The following ZNF559 variants were observed in gnomAD, a reference collection of about 807,000 sequenced individuals.
ZNF559 encodes the protein putative protein product of Nbla00121.
Under a neutral mutation model 14.2 loss-of-function variants are expected in ZNF559, and 17 were observed. The ratio of observed to expected loss-of-function variants is 1.20; its 90% confidence interval spans 0.82 to 1.80. The LOEUF (loss-of-function observed/expected upper bound fraction) is 1.80. ZNF559 is among the 40% of genes most tolerant of loss of function. The pLI, the probability that ZNF559 is intolerant of heterozygous loss-of-function variation, is 0.00. For missense variants in ZNF559, 740 were observed against 629.7 expected (o/e 1.18, Z -1.88); for synonymous variants, 244 against 212.4 (o/e 1.15, Z -1.29).
In ZNF559 at chr19:9,324,273, G is replaced by A. The variant is rs190612390; in HGVS notation, c.-206+45G>A. On this transcript the variant is annotated intron_variant, in intron 1 of 6. Coordinates refer to ENST00000603380, the MANE Select transcript of ZNF559 (RefSeq NM_032497.3). ...CGGCGTTCGGTGGTGTCCCGGTGCAGCCACGCGAGAGTAGAAGGGTGGAAA... is the reference window on the plus strand; with the variant it reads ...CGGCGTTCGGTGGTGTCCCGGTGCAACCACGCGAGAGTAGAAGGGTGGAAA... 29 of 1,535,922 alleles carry A rather than the reference G, an allele frequency of 1.9e-5. No individual in the cohort carries two copies. The Admixed American group carries it at 5.7e-4, about 30-fold the overall frequency.
chr19:9,324,210 G>T lies in ZNF559; in HGVS notation c.-224G>T, dbSNP rs749415060. On this transcript the variant is annotated 5_prime_UTR_variant, in exon 1 of 7. Coordinates refer to ENST00000603380, the MANE Select transcript of ZNF559 (RefSeq NM_032497.3). The stretch of plus-strand genomic sequence containing the variant: ...ATAACGGCCGCCATCTTAACAGCGC[G>T]TTCCCGTTGGCGTCTGAGGTAAGTT... The T allele has an allele frequency of 7.8e-6, 12 of 1,536,100 alleles. No individual in the cohort carries two copies. Among genetic ancestry groups the T allele is most frequent in the Non-Finnish European group, 1.0e-5 (12 of 1,146,880 alleles).
intron 2 of ZNF559, among the ~76,000 whole-genome samples, chr19:9,329,222 C>A (rs1398948455): frequency 1.3e-5 from 2 of 151,884 alleles, no homozygotes; most frequent in African/African-American, 4.8e-5. Context: ...TTTTTAATTT[C>A]TTTTATATTT....
In ZNF559 at chr19:9,324,769, T is replaced by G; in HGVS notation, c.-131T>G. 1 of 1,535,772 alleles carries G rather than the reference T, an allele frequency of 6.5e-7. No homozygotes were observed. Among genetic ancestry groups the G allele is most frequent in the Non-Finnish European group, 8.7e-7 (1 of 1,146,734 alleles). On this transcript the variant is annotated 5_prime_UTR_variant, in exon 2 of 7. Coordinates refer to ENST00000603380, the MANE Select transcript of ZNF559 (RefSeq NM_032497.3). ...CCTGGCCTCAGCAACCTGACAATTC[T>G]GTCGTGTCCCGGTGAGCACTTCATG... is the stretch of plus-strand genomic sequence containing the variant.
At chr19:9,330,705 C>T (rs2066892097) in intron 2 of ZNF559, among the ~76,000 whole-genome samples, 1 of 152,124 alleles carries the variant, frequency 6.6e-6, no homozygotes, top group African/African-American at 2.4e-5. Context: ...GTATTATTTT[C>T]CTGACCTATA....
In ZNF559 at chr19:9,342,644, G is replaced by A. The variant is rs746466151; in HGVS notation, c.1193G>A (p.Ser398Asn). The A allele has an allele frequency of 3.1e-6, 5 of 1,614,050 alleles. No homozygotes were observed. Among genetic ancestry groups the A allele is most frequent in the Non-Finnish European group, 4.2e-6 (5 of 1,180,020 alleles). ...TTTATTAATTCCTCTTCCTTTAAAA[G>A]TCACATGCAGACTCATCCTGGTGTA... ...KAFINSSSFK[S>N]HMQTHPGVKP... The change falls in exon 7 of 7, where the codon AGT (serine) becomes AAT (asparagine). Residue 398 changes from serine to asparagine, a missense_variant. Transcript: ENST00000603380.
intron 2 of ZNF559, chr19:9,332,918 C>T (rs1479755946): frequency 6.6e-6 from 1 of 152,102 alleles, no homozygotes; most frequent in Non-Finnish European, 1.5e-5. Context: ...AGGATCAACC[C>T]TTGGAAGTTC....
chr19:9,341,030 C>G (rs1392386956), intron 5 of ZNF559, 72 bp from the exon 6 acceptor site: 1 of 1,185,722 alleles, frequency 8.4e-7, no homozygotes, highest in Non-Finnish European at 1.2e-6. Flanking sequence ...ACATACTAGT[C>G]TTGCATTTTT....
intron 2 of ZNF559, among the ~76,000 whole-genome samples, chr19:9,328,722 A>G (rs950107411): frequency 6.6e-6 from 1 of 152,150 alleles, no homozygotes; most frequent in Non-Finnish European, 1.5e-5. Flanking sequence ...AGGGCTGTAT[A>G]AAGGGGTCAT....
At chr19:9,327,232 TTTTGTTTTG>T (rs1445799237) in intron 2 of ZNF559, among the ~76,000 whole-genome samples, 4 of 101,606 alleles carry the variant, frequency 3.9e-5, no homozygotes, top group Admixed American at 2.8e-4. Context: ...TTTGGTTTTG[TTTTGTTTTG>T]TTTTTTTTTG....
At position 9,337,784 on chromosome 19, in the gene ZNF559, C is replaced by T; in HGVS notation, c.-119-12C>T. The T allele has an allele frequency of 2.1e-6, 3 of 1,430,584 alleles. No homozygotes were observed. Among genetic ancestry groups the T allele is most frequent in the Admixed American group, 5.4e-5 (2 of 36,726 alleles). 88.6% of individuals were successfully genotyped at this position (1,430,584 alleles called of 1,614,324 possible). A position where few individuals can be genotyped will look rare whatever the true frequency, so the allele number is the denominator to read the frequency against. On this transcript the variant is annotated splice_polypyrimidine_tract_variant and intron_variant, in intron 2 of 6. Coordinates refer to ENST00000603380, the MANE Select transcript of ZNF559 (RefSeq NM_032497.3). Reference sequence around the variant, plus strand: ...CTAGTGGCACTCACATGAACAACTTCATCTTCTGCAGAGAGATGGCTAATG... The same window carrying T: ...CTAGTGGCACTCACATGAACAACTTTATCTTCTGCAGAGAGATGGCTAATG...
Position 9,343,420 on chromosome 19 carries a change from C to G in ZNF559, c.*352C>G. The G allele has an allele frequency of 9.2e-7, 1 of 1,082,598 alleles. No individual in the cohort carries two copies. The highest frequency in any genetic ancestry group is 1.1e-6 in the Non-Finnish European group (1 of 890,380). The allele number at this position is 1,082,598 out of a possible 1,614,324, so 67.1% of individuals were successfully genotyped here. ...GTGGAAAAGCTTTCATTATTTTCCTCGGGCCTTACTGAGCTTGTGAGCACA... is the reference window on the plus strand; with the variant it reads ...GTGGAAAAGCTTTCATTATTTTCCTGGGGCCTTACTGAGCTTGTGAGCACA... On this transcript the variant is annotated 3_prime_UTR_variant, in exon 7 of 7. Coordinates refer to ENST00000603380, the MANE Select transcript of ZNF559 (RefSeq NM_032497.3).
Position 9,339,338 on chromosome 19 carries a change from TTTTCA to T in ZNF559, c.160+23_160+27del, listed in dbSNP as rs2122211804. ...GCAGTAGGTAAGGCTGGTACCATTC[TTTTCA>T]TTTAGTTTTTTTCTGGAACAAATGT... On this transcript the variant is annotated intron_variant, in intron 5 of 6. Transcript: ENST00000603380. 1 of 1,582,524 alleles carries T rather than the reference TTTTCA, an allele frequency of 6.3e-7. No individual in the cohort carries two copies. Among genetic ancestry groups the T allele is most frequent in the East Asian group, 2.3e-5 (1 of 44,370 alleles).
Position 9,329,240 on chromosome 19 carries a change from A to G in ZNF559, c.-120+4460A>G, listed in dbSNP as rs558147485. On this transcript the variant is annotated intron_variant, in intron 2 of 6. Coordinates refer to ENST00000603380, the MANE Select transcript of ZNF559 (RefSeq NM_032497.3). ...TTAATTTCTTTTATATTTATATACA[A>G]TATGATTGATTTTTGTAGTTAGTCT... Among the ~76,000 whole-genome samples the G allele has an allele frequency of 2.0e-5, 3 of 152,282 alleles. No homozygotes were observed. In the South Asian group the frequency reaches 6.2e-4, roughly 32 times the overall value.
intron 2 of ZNF559, among the ~76,000 whole-genome samples, chr19:9,327,730 G>A (rs1184332604): frequency 6.9e-6 from 1 of 145,176 alleles, no homozygotes; most frequent in Non-Finnish European, 1.5e-5. Context: ...TTCTTTTTTG[G>A]AATGTCACAA....
At chr19:9,337,720 C>G (rs1009256583) in intron 2 of ZNF559, 76 bp from the exon 3 acceptor site, 2 of 1,104,106 alleles carry the variant, frequency 1.8e-6, no homozygotes, top group Non-Finnish European at 2.4e-6. Context: ...ACTAGGTAAA[C>G]GGGATTTGTT....
In ZNF559 at chr19:9,343,532, C is replaced by G. The variant is rs1221408484; in HGVS notation, c.*464C>G. ...ATACCTTAATATTCAGCTGTGATCT[C>G]ACAAGTGTGAAAAATCTTATGAATG... On this transcript the variant is annotated 3_prime_UTR_variant, in exon 7 of 7. Transcript: ENST00000603380. 6.0e-6 allele frequency: 6 copies of G among 992,934 alleles called. No homozygotes were observed. The highest frequency in any genetic ancestry group is 1.7e-5 in the African/African-American group (1 of 57,280). The allele number at this position is 992,934 out of a possible 1,614,324, so 61.5% of individuals were successfully genotyped here. A position where few individuals can be genotyped will look rare whatever the true frequency, so the allele number is the denominator to read the frequency against.
chr19:9,332,345 A>ATG (rs200448408), intron 2 of ZNF559, among the ~76,000 whole-genome samples: 186 of 146,172 alleles, frequency 1.3e-3, no homozygotes, highest in Middle Eastern at 6.9e-3. Context: ...ATACATATGT[A>ATG]TGTGTGTGTG....
intron 3 of ZNF559, 126 bp downstream of exon 3, chr19:9,337,984 C>G (rs900674224): frequency 2.3e-5 from 35 of 1,535,968 alleles, no homozygotes; most frequent in Non-Finnish European, 2.4e-5. Flanking sequence ...CTGTTAGACT[C>G]ACAGGATGCT....
chr19:9,342,447 A>G lies in ZNF559; in HGVS notation c.996A>G (p.Lys332=), dbSNP rs1156687506. The G allele has an allele frequency of 6.2e-7, 1 of 1,614,180 alleles. No individual in the cohort carries two copies. Among genetic ancestry groups the G allele is most frequent in the Non-Finnish European group, 8.5e-7 (1 of 1,180,028 alleles). The change falls in exon 7 of 7, where the codon AAA becomes AAG. Residue 332 remains lysine, a synonymous_variant. Coordinates refer to ENST00000603380, the MANE Select transcript of ZNF559 (RefSeq NM_032497.3). Reference sequence around the variant, plus strand: ...CGTATGAGTGCAACAAATGTGGGAAAGCCTTCACTGATTCATCAGGTCTTA... The same window carrying G: ...CGTATGAGTGCAACAAATGTGGGAAGGCCTTCACTGATTCATCAGGTCTTA... ...EKPYECNKCG[K]AFTDSSGLIK...
Sources: allele counts gnomAD v4.1 joint callset (sites outside exome capture counted in the v4.1 genomes callset), GRCh38; gene constraint gnomAD v4.1.1; transcripts MANE v1.5; gene names NCBI Gene and HGNC (gene_info 2026-07-23, HGNC 2026-07-21).